Variants in IMMP2L observed in about 807,000 individuals in gnomAD.
IMMP2L encodes inner mitochondrial membrane peptidase subunit 2.
In IMMP2L, 18 loss-of-function variants were observed where a neutral mutation model predicts 19.3. The ratio of observed to expected loss-of-function variants is 0.93; its 90% CI spans 0.64 to 1.38. The LOEUF is 1.38. Among genes scored for constraint, IMMP2L ranks in the 40% most tolerant of loss-of-function variants. The pLI, the probability that IMMP2L is intolerant of heterozygous loss-of-function variation, is 0.00. For missense variants in IMMP2L, 233 were observed against 218.2 expected, an observed-to-expected ratio of 1.07 and a Z score of -0.43; for synonymous variants, 76 against 73.0, an observed-to-expected ratio of 1.04 and a Z score of -0.21.
intron 3 of IMMP2L, among the ~76,000 whole-genome samples, chr7:111,115,283 C>T (rs1799744693): frequency 6.6e-6 from 1 of 151,752 alleles, no homozygotes; most frequent in Non-Finnish European, 1.5e-5. Flanking sequence ...ATATAAGCAT[C>T]AAGAGACAAG....
At chr7:110,718,277 T>G (rs1040588005) in intron 5 of IMMP2L, among the ~76,000 whole-genome samples, 2 of 152,242 alleles carry the variant, frequency 1.3e-5, no homozygotes, top group Admixed American at 6.5e-5. Context: ...TCTCAATATG[T>G]AGCAATGCTG....
intron 3 of IMMP2L, among the ~76,000 whole-genome samples, chr7:111,035,272 G>A (rs1274157768): frequency 6.6e-6 from 1 of 152,076 alleles, no homozygotes; most frequent in East Asian, 1.9e-4. Flanking sequence ...AAATAAAAAG[G>A]TATCATCTAT....
At chr7:111,117,522 T>C (rs2129586230) in intron 3 of IMMP2L, among the ~76,000 whole-genome samples, 1 of 152,236 alleles carries the variant, frequency 6.6e-6, no homozygotes, top group East Asian at 1.9e-4. Flanking sequence ...ATTACCATTA[T>C]CCATTTCCTG....
chr7:111,066,806 C>T (rs554298939), intron 3 of IMMP2L, among the ~76,000 whole-genome samples: 4 of 152,256 alleles, frequency 2.6e-5, no homozygotes, highest in East Asian at 3.9e-4. Flanking sequence ...ATATGAATTA[C>T]GGTAGGGCCT....
chr7:110,966,809 G>A (rs1819588722), intron 3 of IMMP2L, among the ~76,000 whole-genome samples: 1 of 151,926 alleles, frequency 6.6e-6, no homozygotes, highest in African/African-American at 2.4e-5. Context: ...CTCAGCAGAA[G>A]TGCTCAGAGA....
Position 110,721,360 on chromosome 7 carries a change from C to T in IMMP2L, c.409-57639G>A, listed in dbSNP as rs1374602352. 5.3e-5 allele frequency among the ~76,000 whole-genome samples: 8 copies of T among 152,196 alleles called. 1 individual carries two copies. In the South Asian group the frequency reaches 8.3e-4, roughly 16 times the overall value. On this transcript the variant is annotated intron_variant, in intron 5 of 5. Coordinates refer to ENST00000405709, the MANE Select transcript of IMMP2L (RefSeq NM_032549.4). ...TAGTAAGAGCTCAATTAAGGCCGGA[C>T]ATTTTTAATATTATTGTTATTGTTC...
chr7:110,829,880 T>C (rs1193468256), intron 5 of IMMP2L, among the ~76,000 whole-genome samples: 1 of 152,120 alleles, frequency 6.6e-6, no homozygotes, highest in African/African-American at 2.4e-5. Flanking sequence ...GCCTCCCAAG[T>C]TTCCTGCATA....
At chr7:111,232,177 T>A (rs1221583035) in intron 3 of IMMP2L, among the ~76,000 whole-genome samples, 2 of 152,184 alleles carry the variant, frequency 1.3e-5, no homozygotes, top group Non-Finnish European at 2.9e-5. Context: ...ATTGTTTTTA[T>A]GAACTTTAAA....
chr7:110,969,132 TTAGA>T (rs1386219266), intron 3 of IMMP2L, among the ~76,000 whole-genome samples: 3 of 152,124 alleles, frequency 2.0e-5, no homozygotes, highest in East Asian at 1.9e-4. Context: ...TTATTTTAAA[TTAGA>T]TAGGTATTAT....
chr7:111,387,518 A>G (rs1163457190), intron 3 of IMMP2L, among the ~76,000 whole-genome samples: 1 of 152,176 alleles, frequency 6.6e-6, no homozygotes, highest in Non-Finnish European at 1.5e-5. Flanking sequence ...AAAAGAAACC[A>G]AAGAAAAACC....
intron 3 of IMMP2L, among the ~76,000 whole-genome samples, chr7:111,069,557 T>TA (rs1392554860): frequency 6.6e-6 from 1 of 152,206 alleles, no homozygotes; most frequent in Non-Finnish European, 1.5e-5. Flanking sequence ...GAGATTATTA[T>TA]AATGAAGACT....
At chr7:111,472,025 G>A (rs181467235) in intron 3 of IMMP2L, among the ~76,000 whole-genome samples, 2 of 151,996 alleles carry the variant, frequency 1.3e-5, no homozygotes, top group East Asian at 1.9e-4. Flanking sequence ...TGTTATATAC[G>A]ATCTTATTCT....
Position 110,924,316 on chromosome 7 carries a change from G to A in IMMP2L, c.306-37621C>T, listed in dbSNP as rs1221985323. On this transcript the variant is annotated intron_variant, in intron 4 of 5. Coordinates refer to ENST00000405709, the MANE Select transcript of IMMP2L (RefSeq NM_032549.4). This position sits in a 1 kb window ranked among gnomAD's most constrained non-coding sequence, Gnocchi z 4.2. Reference sequence around the variant, plus strand: ...TAGTTCTGCAGGCAGATAAAAGGGTGTGGATAGGGATCGGGATTTATTTTT... The same window carrying A: ...TAGTTCTGCAGGCAGATAAAAGGGTATGGATAGGGATCGGGATTTATTTTT... Among the ~76,000 whole-genome samples the A allele has an allele frequency of 6.6e-6, 1 of 152,114 alleles. No individual in the cohort carries two copies.
intron 5 of IMMP2L, among the ~76,000 whole-genome samples, chr7:110,696,644 T>A (rs990197500): frequency 2.6e-5 from 4 of 152,108 alleles, no homozygotes; most frequent in Non-Finnish European, 5.9e-5. Flanking sequence ...CAGGCTGGTC[T>A]CAAACTCCTG....
chr7:110,957,652 C>T (rs904262877), intron 4 of IMMP2L, among the ~76,000 whole-genome samples: 21 of 151,988 alleles, frequency 1.4e-4, no homozygotes, highest in African/African-American at 4.6e-4. Flanking sequence ...AGTAAAGTCC[C>T]AACCATGCTG....
intron 3 of IMMP2L, among the ~76,000 whole-genome samples, chr7:111,087,130 T>C (rs1051328344): frequency 6.6e-6 from 1 of 152,146 alleles, no homozygotes; most frequent in African/African-American, 2.4e-5. Context: ...TCAGCCAATG[T>C]TTCTACACTG....
At chr7:110,833,439 CA>C (rs66826955) in intron 5 of IMMP2L, among the ~76,000 whole-genome samples, 23,248 of 115,290 alleles carry the variant, frequency 0.2, 2,096 homozygotes, top group South Asian at 0.29. Flanking sequence ...AACTTCGTCT[CA>C]AAAAAAAAAA....
chr7:110,764,051 G>A (rs1054931548), intron 5 of IMMP2L, among the ~76,000 whole-genome samples: 2 of 152,102 alleles, frequency 1.3e-5, no homozygotes, highest in Non-Finnish European at 2.9e-5. Context: ...ATTCACAGAA[G>A]CCTTAAATGA....
intron 3 of IMMP2L, among the ~76,000 whole-genome samples, chr7:111,403,308 C>T (rs1833630658): frequency 6.6e-6 from 1 of 151,974 alleles, no homozygotes; most frequent in Non-Finnish European, 1.5e-5. Flanking sequence ...ATCCACTTTG[C>T]CTTCCACCAT....
Sources: gnomAD v4.1 joint callset for allele counts (sites outside exome capture counted in the v4.1 genomes callset) on GRCh38, gnomAD v4.1.1 for gene constraint, Gnocchi (gnomAD v3.1) non-coding constraint, MANE v1.5 for transcripts, NCBI Gene and HGNC (gene_info 2026-07-23, HGNC 2026-07-21) for gene names.